Variants in SDK1 observed in about 807,000 individuals in gnomAD.
SDK1 encodes the protein protein sidekick-1.
SDK1 carries 157 observed loss-of-function variants against 245.5 expected under a neutral mutation model. The ratio of observed to expected loss-of-function variants is 0.64; its 90% CI spans 0.56 to 0.73. The LOEUF (loss-of-function observed/expected upper bound fraction) is 0.73. Among genes scored for constraint, SDK1 ranks in the 30% least tolerant of loss-of-function variants. The pLI is 0.00. For missense variants in SDK1, 3,583 were observed against 3,002.3 expected, an observed-to-expected ratio of 1.19 and a Z score of -4.52; for synonymous variants, 1,647 against 1,278.5, an observed-to-expected ratio of 1.29 and a Z score of -6.15.
At chr7:4,095,111 A>T (rs556600664) in intron 22 of SDK1, among the ~76,000 whole-genome samples, 5 of 151,946 alleles carry the variant, frequency 3.3e-5, no homozygotes, top group Non-Finnish European at 7.4e-5. Flanking sequence ...GCTCCTCCAT[A>T]TCTGAGGTCT....
At chr7:4,084,482 C>T (rs1368515020) in intron 22 of SDK1, among the ~76,000 whole-genome samples, 1 of 152,166 alleles carries the variant, frequency 6.6e-6, no homozygotes, top group African/African-American at 2.4e-5. Context: ...CCTGCAGGGC[C>T]TTGGTTTCAT....
In SDK1 at chr7:4,026,223, G is replaced by C. The variant is rs775779439; in HGVS notation, c.2602+8871G>C. ...CAAACATGCAATTTTCAGATGCGGA[G>C]AATGCAGAGACAGGGCATGGGAAGT... On this transcript the variant is annotated intron_variant, in intron 17 of 44. Transcript: ENST00000404826. The surrounding 1 kb of genome is among the most constrained non-coding windows in gnomAD (Gnocchi z 4.1). Among the ~76,000 whole-genome samples the C allele has an allele frequency of 7.2e-5, 11 of 152,206 alleles. No individual in the cohort carries two copies. Among genetic ancestry groups the C allele is most frequent in the Non-Finnish European group, 1.5e-5 (1 of 68,042 alleles).
intron 1 of SDK1, among the ~76,000 whole-genome samples, chr7:3,482,175 G>C (rs993207564): frequency 6.6e-6 from 1 of 152,096 alleles, no homozygotes; most frequent in African/African-American, 2.4e-5. Flanking sequence ...TCTATTCATC[G>C]ATCAGATACC....
intron 19 of SDK1, among the ~76,000 whole-genome samples, chr7:4,059,762 A>G (rs1357461212): frequency 1.3e-5 from 2 of 152,222 alleles, no homozygotes; most frequent in Non-Finnish European, 2.9e-5. Context: ...ACAATGGAAT[A>G]AAACTGGAAA....
At chr7:3,727,665 A>G (rs1779049576) in intron 4 of SDK1, among the ~76,000 whole-genome samples, 2 of 151,992 alleles carry the variant, frequency 1.3e-5, no homozygotes, top group East Asian at 3.9e-4. Context: ...TAAATTTTGT[A>G]TTTTTAGTAG....
intron 7 of SDK1, chr7:3,957,946 CATCACT>C (rs1781397280): frequency 2.1e-6 from 1 of 470,160 alleles, no homozygotes; most frequent in African/African-American, 2.0e-5. Context: ...AGAAGTGAAA[CATCACT>C]TTGCCTCCTT....
intron 13 of SDK1, among the ~76,000 whole-genome samples, chr7:3,975,308 G>A (rs868486539): frequency 3.2e-4 from 48 of 152,066 alleles, no homozygotes; most frequent in South Asian, 1.2e-3. Context: ...AATCCCAACC[G>A]AGCACTCATC....
chr7:4,187,692 G>A (rs1410390634), intron 35 of SDK1, among the ~76,000 whole-genome samples: 21 of 152,240 alleles, frequency 1.4e-4, no homozygotes, highest in Admixed American at 1.4e-3. Flanking sequence ...CGAGCAGACA[G>A]CAATTCATGA....
intron 4 of SDK1, among the ~76,000 whole-genome samples, chr7:3,709,191 A>G (rs906920097): frequency 2.6e-5 from 4 of 152,190 alleles, no homozygotes; most frequent in African/African-American, 7.2e-5. Flanking sequence ...TTCTCCTTCA[A>G]TTATGAAACT....
intron 1 of SDK1, among the ~76,000 whole-genome samples, chr7:3,458,984 T>C (rs73671830): frequency 1.5e-3 from 222 of 152,292 alleles, no homozygotes; most frequent in African/African-American, 5.2e-3. Flanking sequence ...ATGTAAAGTT[T>C]CCATGTAAAC....
At chr7:3,885,904 G>A (rs1781327765) in intron 5 of SDK1, among the ~76,000 whole-genome samples, 2 of 152,250 alleles carry the variant, frequency 1.3e-5, no homozygotes, top group Admixed American at 6.5e-5. Context: ...CTGTTGTTTT[G>A]TTGCGAATTC....
chr7:3,714,247 C>T (rs1305158627), intron 4 of SDK1, among the ~76,000 whole-genome samples: 1 of 152,200 alleles, frequency 6.6e-6, no homozygotes, highest in Non-Finnish European at 1.5e-5. Flanking sequence ...GCCTTGATCA[C>T]TCCTTGTGTA....
intron 5 of SDK1, among the ~76,000 whole-genome samples, chr7:3,869,101 A>AC (rs1780894281): frequency 6.6e-6 from 1 of 151,764 alleles, no homozygotes; most frequent in African/African-American, 2.4e-5. Flanking sequence ...TTTTTCCCCC[A>AC]AAAAAGAGGA....
At chr7:3,613,113 C>T (rs1781657679) in intron 1 of SDK1, among the ~76,000 whole-genome samples, 1 of 152,166 alleles carries the variant, frequency 6.6e-6, no homozygotes, top group South Asian at 2.1e-4. Flanking sequence ...GATTCCTATT[C>T]ATTCTGCCGT....
chr7:3,339,543 G>A (rs780767253), intron 1 of SDK1, among the ~76,000 whole-genome samples: 22 of 151,974 alleles, frequency 1.4e-4, no homozygotes, highest in African/African-American at 3.6e-4. Context: ...AATAAAAAAC[G>A]TAAAAGGATT....
intron 4 of SDK1, among the ~76,000 whole-genome samples, chr7:3,680,589 A>G (rs528103185): frequency 3.7e-4 from 56 of 152,330 alleles, no homozygotes; most frequent in African/African-American, 1.2e-3. Context: ...TGAAGAGTAC[A>G]TAAGACCTTT....
At chr7:4,083,701 C>T (rs1264642139) in intron 22 of SDK1, among the ~76,000 whole-genome samples, 12 of 151,218 alleles carry the variant, frequency 7.9e-5, no homozygotes, top group African/African-American at 2.7e-4. Context: ...TCCCTCCCTC[C>T]TTTACTTCCT....
intron 1 of SDK1, among the ~76,000 whole-genome samples, chr7:3,440,217 A>G (rs920326421): frequency 6.6e-6 from 1 of 152,180 alleles, no homozygotes; most frequent in Non-Finnish European, 1.5e-5. Flanking sequence ...CCAGAGAACA[A>G]AGGAAGGATG....
At chr7:4,124,770 C>A (rs932971309) in intron 25 of SDK1, among the ~76,000 whole-genome samples, 1 of 152,230 alleles carries the variant, frequency 6.6e-6, no homozygotes, top group Non-Finnish European at 1.5e-5. Context: ...ACTAACAGTG[C>A]TACCCTCTCA....
Sources: gnomAD v4.1 joint callset for allele counts (sites outside exome capture counted in the v4.1 genomes callset) on GRCh38, gnomAD v4.1.1 for gene constraint, Gnocchi (gnomAD v3.1) non-coding constraint, MANE v1.5 for transcripts, NCBI Gene and HGNC (gene_info 2026-07-23, HGNC 2026-07-21) for gene names.